SELENOI: variants seen among roughly 807,000 people sequenced by gnomAD.
SELENOI encodes ethanolaminephosphotransferase 1.
Under a neutral mutation model 50.7 loss-of-function variants are expected in SELENOI, and 24 were observed. That is an observed-to-expected ratio of 0.47 (90% CI 0.34 to 0.67). The LOEUF is 0.67. Among genes scored for constraint, SELENOI ranks in the 30% least tolerant of loss-of-function variants. The pLI, the probability that SELENOI is intolerant of heterozygous loss-of-function variation, is 0.01. For missense variants in SELENOI, 352 were observed against 461.4 expected, an observed-to-expected ratio of 0.76 and a Z score of 2.17; for synonymous variants, 155 against 170.2, an observed-to-expected ratio of 0.91 and a Z score of 0.70.
At chr2:26,350,713 A>G (rs936883151) in intron 1 of SELENOI, among the ~76,000 whole-genome samples, 1 of 152,204 alleles carries the variant, frequency 6.6e-6, no homozygotes, top group African/African-American at 2.4e-5. Context: ...GCTGGCTGCT[A>G]TGGAAGAGGA....
At chr2:26,370,400 G>A (rs1220031920) in intron 4 of SELENOI, among the ~76,000 whole-genome samples, 2 of 151,328 alleles carry the variant, frequency 1.3e-5, no homozygotes, top group Non-Finnish European at 3.0e-5. Flanking sequence ...GGTGGTGGCC[G>A]GGCAGAGGGG....
rs1678069261 is a variant in SELENOI at position 26,395,415 on chromosome 2, G to C, written c.*6312G>C. ...AACCATGGGTTGTGTGAGCCAGAAAGAGCTTTGAGAAAGATGGCTGCTTCC... is the reference window on the plus strand; with the variant it reads ...AACCATGGGTTGTGTGAGCCAGAAACAGCTTTGAGAAAGATGGCTGCTTCC... On this transcript the variant is annotated 3_prime_UTR_variant, in exon 10 of 10. Transcript: ENST00000260585. 6.6e-6 allele frequency: 1 copy of C among 152,234 alleles called. No individual in the cohort carries two copies. Among genetic ancestry groups the C allele is most frequent in the Non-Finnish European group, 1.5e-5 (1 of 68,048 alleles). The allele number at this position is 152,234 out of a possible 1,614,324, so 9.4% of individuals were successfully genotyped here.
intron 4 of SELENOI, among the ~76,000 whole-genome samples, chr2:26,371,197 G>A (rs546050990): frequency 1.3e-4 from 20 of 150,798 alleles, no homozygotes; most frequent in Middle Eastern, 3.4e-3. Flanking sequence ...GCTGCCGGGC[G>A]GAGATGCTCC....
At chr2:26,363,235 A>G (rs1172117121) in intron 1 of SELENOI, among the ~76,000 whole-genome samples, 1 of 152,210 alleles carries the variant, frequency 6.6e-6, no homozygotes, top group Non-Finnish European at 1.5e-5. Context: ...AGCACTTCAC[A>G]TATCTAATCC....
chr2:26,365,795 CTTTTTTTTT>C (rs55900237), intron 3 of SELENOI, among the ~76,000 whole-genome samples: 2 of 108,410 alleles, frequency 1.8e-5, no homozygotes, highest in Non-Finnish European at 3.6e-5. Flanking sequence ...ACACTTAAGA[CTTTTTTTTT>C]TTTTTTTTTT....
rs888477915 is a variant in SELENOI, at chr2:26,386,022, A to AT, written c.913-321dup. Reference sequence around the variant, plus strand: ...TGTGGGGGTGTGGGAGGCTATTTTGATTTTTTTTTTTAACATATCGTAGAA... The same window carrying AT: ...TGTGGGGGTGTGGGAGGCTATTTTGATTTTTTTTTTTTAACATATCGTAGAA... On this transcript the variant is annotated intron_variant, in intron 8 of 9. Transcript: ENST00000260585. Among the ~76,000 whole-genome samples, 89 of 148,342 alleles carry AT rather than the reference A, an allele frequency of 6.0e-4. 1 individual carries two copies. The highest frequency in any genetic ancestry group is 2.6e-3 in the Admixed American group (38 of 14,888).
At chr2:26,374,187 T>A (rs1677518703) in intron 5 of SELENOI, among the ~76,000 whole-genome samples, 1 of 152,244 alleles carries the variant, frequency 6.6e-6, no homozygotes, top group Non-Finnish European at 1.5e-5. Context: ...CATTTCTTAA[T>A]GTTATTGCAT....
Position 26,393,076 on chromosome 2 carries a change from G to A in SELENOI, c.*3973G>A, listed in dbSNP as rs774820343. On this transcript the variant is annotated 3_prime_UTR_variant, in exon 10 of 10. Transcript: ENST00000260585. The stretch of plus-strand genomic sequence containing the variant: ...TTTTAGGAAGCTTAAGTAAATTTCT[G>A]ATTTTCCTTTATTGATTATGTAACC... 2 of 152,556 alleles carry A rather than the reference G, an allele frequency of 1.3e-5. No homozygotes were observed. The highest frequency in any genetic ancestry group is 1.3e-4 in the Admixed American group (2 of 15,278). 9.5% of individuals were successfully genotyped at this position (152,556 alleles called of 1,614,324 possible).
chr2:26,386,557 T>G (rs1677848574), intron 9 of SELENOI, 21 bp downstream of exon 9: 1 of 1,537,512 alleles, frequency 6.5e-7, no homozygotes, highest in African/African-American at 1.4e-5. Context: ...TACAGCAAAA[T>G]GGGTTCAATT....
rs1173592388 is a variant in SELENOI, at chr2:26,371,525, G to T, written c.311-1842G>T. 2.6e-5 allele frequency among the ~76,000 whole-genome samples: 4 copies of T among 152,338 alleles called. No individual in the cohort carries two copies. In the East Asian group the frequency reaches 7.7e-4, roughly 29 times the overall value. On this transcript the variant is annotated intron_variant, in intron 4 of 9. Transcript: ENST00000260585. ...CAAGGCAGGCGGCTGGGAGGTGGAG[G>T]TTGTAGCGAGCCGAGATCACGCCAC... is the stretch of plus-strand genomic sequence containing the variant.
chr2:26,352,843 G>GAA (rs35795789), intron 1 of SELENOI, among the ~76,000 whole-genome samples: 228 of 126,222 alleles, frequency 1.8e-3, no homozygotes, highest in South Asian at 5.6e-3. Context: ...GGATTCTCTT[G>GAA]AAAAAAAAAA....
chr2:26,381,973 A>G (rs1309787445), intron 6 of SELENOI, among the ~76,000 whole-genome samples: 1 of 152,240 alleles, frequency 6.6e-6, no homozygotes, highest in Non-Finnish European at 1.5e-5. Context: ...TGACAATGGA[A>G]CATCCAAATG....
chr2:26,350,335 G>C (rs1676930601), intron 1 of SELENOI, among the ~76,000 whole-genome samples: 1 of 152,032 alleles, frequency 6.6e-6, no homozygotes, highest in Admixed American at 6.6e-5. Context: ...ACTAGTTCCT[G>C]AAAATTTCAT....
rs1034069707 is a variant in SELENOI, at chr2:26,389,252, G to T, written c.*149G>T. 4 of 616,884 alleles carry T rather than the reference G, an allele frequency of 6.5e-6. No homozygotes were observed. Among genetic ancestry groups the T allele is most frequent in the Non-Finnish European group, 1.1e-5 (4 of 360,032 alleles). The allele number at this position is 616,884 out of a possible 1,614,324, so 38.2% of individuals were successfully genotyped here. On this transcript the variant is annotated 3_prime_UTR_variant, in exon 10 of 10. Transcript: ENST00000260585. Reference sequence around the variant, plus strand: ...GGAATGATACATATAATCTGAACTTGGGAAATTTTGGACCTACTAACTCTA... The same window carrying T: ...GGAATGATACATATAATCTGAACTTTGGAAATTTTGGACCTACTAACTCTA...
At chr2:26,369,341 G>A (rs975651622) in intron 4 of SELENOI, among the ~76,000 whole-genome samples, 4 of 152,054 alleles carry the variant, frequency 2.6e-5, no homozygotes, top group African/African-American at 9.7e-5. Context: ...ATTACCATGT[G>A]GATATCTCAC....
intron 6 of SELENOI, among the ~76,000 whole-genome samples, chr2:26,376,919 C>T (rs1558419628): frequency 1.3e-5 from 2 of 152,144 alleles, no homozygotes; most frequent in South Asian, 2.1e-4. Flanking sequence ...TTATTTTTCT[C>T]TTGTTGCTTT....
intron 4 of SELENOI, among the ~76,000 whole-genome samples, chr2:26,372,027 A>T (rs529069524): frequency 1.3e-5 from 2 of 152,186 alleles, no homozygotes; most frequent in African/African-American, 2.4e-5. Flanking sequence ...ATTCTAGATT[A>T]TCTTAGCCTA....
chr2:26,350,571 A>C (rs1676935068), intron 1 of SELENOI, among the ~76,000 whole-genome samples: 2 of 152,206 alleles, frequency 1.3e-5, no homozygotes, highest in Admixed American at 1.3e-4. Context: ...GGGTCTACTC[A>C]GTGTCAGGCA....
In SELENOI at chr2:26,377,878, T is replaced by C. The variant is rs558250999; in HGVS notation, c.682+2730T>C. 4.1e-4 allele frequency among the ~76,000 whole-genome samples: 63 copies of C among 152,296 alleles called. 1 individual carries two copies. Among genetic ancestry groups the C allele is most frequent in the African/African-American group, 1.5e-3 (62 of 41,574 alleles). Reference sequence around the variant, plus strand: ...TGCATACCTAGCAATTTTTTTTTTGTTGTTGTTGAAAACTGGATATTATAG... The same window carrying C: ...TGCATACCTAGCAATTTTTTTTTTGCTGTTGTTGAAAACTGGATATTATAG... On this transcript the variant is annotated intron_variant, in intron 6 of 9. Transcript: ENST00000260585.
Sources: gnomAD v4.1 joint callset for allele counts (sites outside exome capture counted in the v4.1 genomes callset) on GRCh38, gnomAD v4.1.1 for gene constraint, MANE v1.5 for transcripts, NCBI Gene and HGNC (gene_info 2026-07-23, HGNC 2026-07-21) for gene names.